The following TMEM210 variants were observed in gnomAD, a reference collection of about 807,000 sequenced individuals.
TMEM210 encodes transmembrane protein 210.
Under a neutral mutation model 10.3 loss-of-function variants are expected in TMEM210, and 7 were observed. That is an observed-to-expected ratio of 0.68 (90% CI 0.39 to 1.28). The LOEUF (loss-of-function observed/expected upper bound fraction) is 1.28. TMEM210 is among the 50% of genes most tolerant of loss of function. The pLI is 0.01. For synonymous variants in TMEM210, 79 were observed against 81.2 expected, an observed-to-expected ratio of 0.97 and a Z score of 0.14; for missense variants, 185 against 197.8, an observed-to-expected ratio of 0.94 and a Z score of 0.39.
rs1834117150 is a variant in TMEM210 at position 137,171,977 on chromosome 9, G to A, written c.51C>T (p.Gly17=). The A allele has an allele frequency of 2.1e-6, 3 of 1,421,624 alleles. No individual in the cohort carries two copies. Among genetic ancestry groups the A allele is most frequent in the Non-Finnish European group, 2.7e-6 (3 of 1,091,742 alleles). The allele number at this position is 1,421,624 out of a possible 1,614,324, so 88.1% of individuals were successfully genotyped here. A position where few individuals can be genotyped will look rare whatever the true frequency, so the allele number is the denominator to read the frequency against. Residue 17 remains glycine, a synonymous_variant, in exon 1 of 4, where the codon GGC becomes GGT. Coordinates refer to ENST00000413619, the MANE Select transcript of TMEM210 (RefSeq NM_001282477.2). The part of the protein sequence containing the change: ...PVSCLRGGPL[G]LTYLSLLLIP... ...TGAGCAGAAGGGACAAATATGTGAGGCCCAAGGGGCCACCACGCAGGCAGG... is the reference window on the plus strand; with the variant it reads ...TGAGCAGAAGGGACAAATATGTGAGACCCAAGGGGCCACCACGCAGGCAGG...
Position 137,171,169 on chromosome 9 carries a change from A to G in TMEM210, c.255-5T>C. 3.3e-6 allele frequency: 5 copies of G among 1,534,182 alleles called. No individual in the cohort carries two copies. Among genetic ancestry groups the G allele is most frequent in the Non-Finnish European group, 4.4e-6 (5 of 1,145,700 alleles). On this transcript the variant is annotated splice_region_variant and splice_polypyrimidine_tract_variant and intron_variant, in intron 3 of 3. Transcript: ENST00000413619. ...ACCCCAAAATTCTCCACCAACCTGCATGACGGGCCGGGTCATCACGAGCTG... is the reference window on the plus strand; with the variant it reads ...ACCCCAAAATTCTCCACCAACCTGCGTGACGGGCCGGGTCATCACGAGCTG...
In TMEM210 at chr9:137,171,436, A is replaced by G. The variant is rs1372937289; in HGVS notation, c.232T>C (p.Cys78Arg). ...IGVLRAKGET[C>R]PRQVDNRLVE... ...CACCTGTTGTCCACTTGTCTCGGGCATGTTTCACTGAGGGGACGAAGGCCA... is the reference window on the plus strand; with the variant it reads ...CACCTGTTGTCCACTTGTCTCGGGCGTGTTTCACTGAGGGGACGAAGGCCA... Residue 78 changes from cysteine (C) to arginine (R), a missense_variant, in exon 3 of 4, where the codon TGC becomes CGC. Coordinates refer to ENST00000413619, the MANE Select transcript of TMEM210 (RefSeq NM_001282477.2). The G allele has an allele frequency of 2.0e-6, 3 of 1,535,500 alleles. No homozygotes were observed. Among genetic ancestry groups the G allele is most frequent in the African/African-American group, 1.4e-5 (1 of 73,098 alleles).
At position 137,170,951 on chromosome 9, in the gene TMEM210, C is replaced by T. The variant is rs1046856250; in HGVS notation, c.*24G>A. ...CAGCCACTAAATACGCTTTAATTCC[C>T]CTCCCCCAGCTGCCCTCAGCCCTCT... On this transcript the variant is annotated 3_prime_UTR_variant, in exon 4 of 4. Transcript: ENST00000413619. The T allele has an allele frequency of 1.3e-6, 2 of 1,525,406 alleles. No individual in the cohort carries two copies. Among genetic ancestry groups the T allele is most frequent in the African/African-American group, 1.4e-5 (1 of 72,756 alleles). 94.5% of individuals were successfully genotyped at this position (1,525,406 alleles called of 1,614,324 possible). A position where few individuals can be genotyped will look rare whatever the true frequency, so the allele number is the denominator to read the frequency against.
intron 1 of TMEM210, 29 bp downstream of exon 1, chr9:137,171,911 G>T (rs1834116169): frequency 4.9e-6 from 7 of 1,436,228 alleles, no homozygotes; most frequent in Non-Finnish European, 6.4e-6. Flanking sequence ...CCATGGCTGG[G>T]AGTGGAGTGC....
Position 137,171,357 on chromosome 9 carries a change from C to T in TMEM210, c.254+57G>A, listed in dbSNP as rs549873418. ...GGGACTCCCCTGGGATAGCTCCCCC[C>T]GCCAAGGGCCTCCCCTGAGACAGCG... On this transcript the variant is annotated intron_variant, in intron 3 of 3. Transcript: ENST00000413619. 3.5e-4 allele frequency: 539 copies of T among 1,534,552 alleles called. 1 individual carries two copies. Among genetic ancestry groups the T allele is most frequent in the East Asian group, 9.0e-4 (37 of 40,886 alleles).
In TMEM210 at chr9:137,171,068, C is replaced by G. The variant is rs910699352; in HGVS notation, c.351G>C (p.Leu117=). Residue 117 remains leucine, a synonymous_variant, in exon 4 of 4, where the codon CTG becomes CTC. Coordinates refer to ENST00000413619, the MANE Select transcript of TMEM210 (RefSeq NM_001282477.2). Reference sequence around the variant, plus strand: ...GGCTCTGATCCTCTAGTGGTGGCACCAGGGAGACCTCCAGGTCAGCGTCCA... The same window carrying G: ...GGCTCTGATCCTCTAGTGGTGGCACGAGGGAGACCTCCAGGTCAGCGTCCA... ...QLMDADLEVS[L]VPPLEDQSLV... is the part of the protein sequence containing the mutation. 8.5e-6 allele frequency: 13 copies of G among 1,535,254 alleles called. No homozygotes were observed. The Admixed American group carries it at 2.6e-4, about 30-fold the overall frequency.
chr9:137,171,451 G>T lies in TMEM210; in HGVS notation c.225-8C>A. Reference sequence around the variant, plus strand: ...TGTCTCGGGCATGTTTCACTGAGGGGACGAAGGCCAACATGAGTCCTGGAA... The same window carrying T: ...TGTCTCGGGCATGTTTCACTGAGGGTACGAAGGCCAACATGAGTCCTGGAA... On this transcript the variant is annotated splice_region_variant and splice_polypyrimidine_tract_variant and intron_variant, in intron 2 of 3. Coordinates refer to ENST00000413619, the MANE Select transcript of TMEM210 (RefSeq NM_001282477.2). 1 of 1,535,548 alleles carries T rather than the reference G, an allele frequency of 6.5e-7. No individual in the cohort carries two copies. Among genetic ancestry groups the T allele is most frequent in the Admixed American group, 2.0e-5 (1 of 50,986 alleles).
chr9:137,171,482 C>T (rs779921981), intron 2 of TMEM210, 39 bp from the exon 3 acceptor site: 2 of 1,535,470 alleles, frequency 1.3e-6, no homozygotes, highest in Non-Finnish European at 1.7e-6. Context: ...TGGAACAGTG[C>T]TGGGCCCCCG....
At chr9:137,171,285 AG>A (rs1834101898) in intron 3 of TMEM210, 121 bp from the exon 4 acceptor site, 1 of 1,482,402 alleles carries the variant, frequency 6.7e-7, no homozygotes, top group East Asian at 2.5e-5. Context: ...CTCCTCTTCC[AG>A]GGACAGCACC....
chr9:137,171,546 C>A, intron 2 of TMEM210, 95 bp downstream of exon 2: 1 of 1,533,468 alleles, frequency 6.5e-7, no homozygotes. Context: ...GGTGACAGCC[C>A]ACCCAGGGGG....
At chr9:137,171,364 G>A (rs1351842659) in intron 3 of TMEM210, 50 bp downstream of exon 3, 3 of 1,534,838 alleles carry the variant, frequency 2.0e-6, no homozygotes, top group Admixed American at 3.9e-5. Flanking sequence ...CCCCGCCAAG[G>A]GCCTCCCCTG....
chr9:137,170,993 C>G lies in TMEM210; in HGVS notation c.426G>C (p.Pro142=), dbSNP rs114103459. ...CAGCCCTCTACTCAGGTGGTAGGGG[C>G]GGGGGTGGTGGCGGCTCCTCTGAAG... ...EASSEEPPPP[P]PLPPE Residue 142 remains proline (P), a synonymous_variant, in exon 4 of 4, where the codon CCG becomes CCC. Coordinates refer to ENST00000413619, the MANE Select transcript of TMEM210 (RefSeq NM_001282477.2). 4.6e-6 allele frequency: 7 copies of G among 1,533,742 alleles called. No individual in the cohort carries two copies. Among genetic ancestry groups the G allele is most frequent in the Non-Finnish European group, 6.1e-6 (7 of 1,145,544 alleles).
chr9:137,171,618 T>C (rs1422600483), intron 2 of TMEM210, 23 bp downstream of exon 2: 2 of 1,529,654 alleles, frequency 1.3e-6, no homozygotes, highest in South Asian at 2.4e-5. Context: ...TCCCATCCTC[T>C]CCCGGCCCCA....
intron 1 of TMEM210, 61 bp downstream of exon 1, chr9:137,171,879 C>T: frequency 1.4e-6 from 2 of 1,434,702 alleles, no homozygotes; most frequent in Non-Finnish European, 1.8e-6. Flanking sequence ...CCAGAGCTCC[C>T]ACCTTGCCTG....
rs948739254 is a variant in TMEM210 at position 137,171,178 on chromosome 9, C to T, written c.255-14G>A. ...TTCTCCACCAACCTGCATGACGGGCCGGGTCATCACGAGCTGGTAGAGTCC... is the reference window on the plus strand; with the variant it reads ...TTCTCCACCAACCTGCATGACGGGCTGGGTCATCACGAGCTGGTAGAGTCC... On this transcript the variant is annotated splice_polypyrimidine_tract_variant and intron_variant, in intron 3 of 3. Transcript: ENST00000413619. 1.1e-5 allele frequency: 17 copies of T among 1,532,336 alleles called. No individual in the cohort carries two copies. Among genetic ancestry groups the T allele is most frequent in the African/African-American group, 2.7e-5 (2 of 72,956 alleles). 94.9% of individuals were successfully genotyped at this position (1,532,336 alleles called of 1,614,324 possible).
Position 137,171,935 on chromosome 9 carries a change from G to C in TMEM210, c.88+5C>G. The C allele has an allele frequency of 7.0e-7, 1 of 1,433,302 alleles. No homozygotes were observed. The highest frequency in any genetic ancestry group is 9.1e-7 in the Non-Finnish European group (1 of 1,096,884). 88.8% of individuals were successfully genotyped at this position (1,433,302 alleles called of 1,614,324 possible). A position where few individuals can be genotyped will look rare whatever the true frequency, so the allele number is the denominator to read the frequency against. ...GGAGTGGAGTGCGGGGGCAGGAGGA[G>C]GCACCTGCAGCAGGGATGAGCAGAA... On this transcript the variant is annotated splice_donor_5th_base_variant and intron_variant, in intron 1 of 3. Transcript: ENST00000413619.
At position 137,171,883 on chromosome 9, in the gene TMEM210, T is replaced by G. The variant is rs565905009; in HGVS notation, c.88+57A>C. ...CCAGAAGGACACCAGAGCTCCCACC[T>G]TGCCTGGGGAAGGGGAGCCATGGCT... On this transcript the variant is annotated intron_variant, in intron 1 of 3. Transcript: ENST00000413619. 2.1e-3 allele frequency: 2,945 copies of G among 1,431,722 alleles called. 5 individuals carry two copies. Among genetic ancestry groups the G allele is most frequent in the Middle Eastern group, 5.6e-3 (31 of 5,492 alleles). 88.7% of individuals were successfully genotyped at this position (1,431,722 alleles called of 1,614,324 possible).
chr9:137,171,600 G>A, intron 2 of TMEM210, 41 bp downstream of exon 2: 1 of 1,527,212 alleles, frequency 6.5e-7, no homozygotes, highest in Middle Eastern at 1.7e-4. Context: ...CAGCCAGCCT[G>A]GCCTCACTCC....
chr9:137,171,345 G>T, intron 3 of TMEM210, 69 bp downstream of exon 3: 1 of 1,531,188 alleles, frequency 6.5e-7, no homozygotes, highest in Non-Finnish European at 8.7e-7. Flanking sequence ...ACTCCCCTGG[G>T]ATAGCTCCCC....
Sources: allele counts gnomAD v4.1 joint callset, GRCh38; gene constraint gnomAD v4.1.1; transcripts MANE v1.5; gene names NCBI Gene and HGNC (gene_info 2026-07-23, HGNC 2026-07-21).